The following DCAF8L2 variants were observed in gnomAD, a reference collection of about 807,000 sequenced individuals.
DCAF8L2 encodes DDB1 and CUL4 associated factor 8 like 2.
For synonymous variants in DCAF8L2, 200 were observed against 190.9 expected, an observed-to-expected ratio of 1.05 and a Z score of -0.39; for missense variants, 430 against 490.7, an observed-to-expected ratio of 0.88 and a Z score of 1.17.
chrX:27,671,685 C>T (rs184947150), intron 2 of DCAF8L2, among the ~76,000 whole-genome samples: 181 of 111,795 alleles, frequency 1.6e-3, no homozygotes, highest in African/African-American at 5.3e-3. Flanking sequence ...AAATCCAAGA[C>T]CCAGAGATAT....
the DCAF8L2 span, among the ~76,000 whole-genome samples, chrX:27,569,352 A>G: frequency 5.4e-5 from 6 of 112,104 alleles, no homozygotes; most frequent in African/African-American, 1.9e-4. Flanking sequence ...ACCTGCAAAC[A>G]TCAATTTGAC....
upstream of DCAF8L2, among the ~76,000 whole-genome samples, chrX:27,589,124 G>A (rs1485644392): frequency 9.0e-6 from 1 of 111,372 alleles, no homozygotes; most frequent in Non-Finnish European, 1.9e-5. Context: ...AGAGATCCAT[G>A]ATAGAGAATG....
intron 2 of DCAF8L2, among the ~76,000 whole-genome samples, chrX:27,640,226 CTTG>C (rs1255690701): frequency 2.7e-5 from 3 of 111,740 alleles, no homozygotes; most frequent in Admixed American, 9.5e-5. Flanking sequence ...AATGAGAACA[CTTG>C]TTGTTATTAA....
At chrX:27,708,883 T>A (rs776319402) in intron 3 of DCAF8L2, among the ~76,000 whole-genome samples, 2 of 112,838 alleles carry the variant, frequency 1.8e-5, no homozygotes, top group South Asian at 7.3e-4. Context: ...CTTCACTAGC[T>A]CAGTTGAGTT....
At chrX:27,492,229 C>T in the DCAF8L2 span, among the ~76,000 whole-genome samples, 6 of 111,962 alleles carry the variant, frequency 5.4e-5, no homozygotes, top group Admixed American at 4.7e-4. Context: ...TCCCTGTAGC[C>T]TTTATCACAA....
At chrX:27,562,777 G>A in the DCAF8L2 span, among the ~76,000 whole-genome samples, 8 of 111,899 alleles carry the variant, frequency 7.1e-5, no homozygotes, top group African/African-American at 9.7e-5. Flanking sequence ...AGAAGTATGC[G>A]ACTTTGATAA....
At chrX:27,519,758 A>G in the DCAF8L2 span, 1 of 549,282 alleles carries the variant, frequency 1.8e-6, no homozygotes, top group Non-Finnish European at 3.3e-6. Flanking sequence ...CAAGCCAGAG[A>G]TGAAACCAAT....
intron 1 of DCAF8L2, among the ~76,000 whole-genome samples, chrX:27,610,389 G>A (rs1927100344): frequency 9.1e-6 from 1 of 110,230 alleles, no homozygotes; most frequent in Non-Finnish European, 1.9e-5. Context: ...ATGTGTGCCT[G>A]TGTGTGCATG....
rs1337029822 is a variant in DCAF8L2, at chrX:27,736,630, C to T, written c.-58-10208C>T. Among the ~76,000 whole-genome samples, 3 of 112,027 alleles carry T rather than the reference C, an allele frequency of 2.7e-5. No individual in the cohort carries two copies. The South Asian group carries it at 1.1e-3, about 41-fold the overall frequency. ...TGCCTTGCCTGTCTCCAATTTATTT[C>T]CCACCCTGAAAGCAATAATTATAAA... On this transcript the variant is annotated intron_variant, in intron 4 of 4. Coordinates refer to ENST00000451261, the MANE Select transcript of DCAF8L2 (RefSeq NM_001353450.2).
chrX:27,502,331 AAAAAATAT>A, the DCAF8L2 span, among the ~76,000 whole-genome samples: 2 of 29,596 alleles, frequency 6.8e-5, no homozygotes, highest in African/African-American at 2.7e-4. Context: ...AAAAAAAAAA[AAAAAATAT>A]ATATATATAT....
At chrX:27,697,876 A>G (rs1047691665) in intron 3 of DCAF8L2, among the ~76,000 whole-genome samples, 7 of 111,151 alleles carry the variant, frequency 6.3e-5, no homozygotes, top group Non-Finnish European at 1.1e-4. Flanking sequence ...GAGAAAGAAA[A>G]AGAATGAAAG....
the DCAF8L2 span, among the ~76,000 whole-genome samples, chrX:27,482,724 G>A: frequency 9.0e-6 from 1 of 111,549 alleles, no homozygotes; most frequent in Non-Finnish European, 1.9e-5. Flanking sequence ...TGAAAATGTA[G>A]AGGATAACTT....
At chrX:27,502,796 G>T in the DCAF8L2 span, among the ~76,000 whole-genome samples, 1 of 111,222 alleles carries the variant, frequency 9.0e-6, no homozygotes, top group African/African-American at 3.3e-5. Flanking sequence ...ATATTCAAGG[G>T]AAATAGAGGA....
At chrX:27,571,930 C>T in the DCAF8L2 span, among the ~76,000 whole-genome samples, 1 of 111,364 alleles carries the variant, frequency 9.0e-6, no homozygotes, top group African/African-American at 3.3e-5. Flanking sequence ...GATTGGTCAA[C>T]CCGCTAAATA....
intron 2 of DCAF8L2, among the ~76,000 whole-genome samples, chrX:27,673,665 A>G (rs1264438728): frequency 9.2e-6 from 1 of 109,074 alleles, no homozygotes; most frequent in Non-Finnish European, 1.9e-5. Flanking sequence ...TGCATATATA[A>G]TATACATATG....
intron 4 of DCAF8L2, among the ~76,000 whole-genome samples, chrX:27,736,892 C>T (rs1360889080): frequency 9.0e-6 from 1 of 111,026 alleles, no homozygotes; most frequent in East Asian, 2.8e-4. Context: ...ATTTTCCAGA[C>T]ACTGCATAAA....
In DCAF8L2 at chrX:27,704,173, T is replaced by C. The variant is rs377140514; in HGVS notation, c.-142-11915T>C. Among the ~76,000 whole-genome samples the C allele has an allele frequency of 1.1e-3, 49 of 44,276 alleles. 4 individuals are homozygous for C. Among genetic ancestry groups the C allele is most frequent in the South Asian group, 4.1e-3 (7 of 1,717 alleles). 38.4% of individuals were successfully genotyped at this position (44,276 alleles called of 115,157 possible). A position where few individuals can be genotyped will look rare whatever the true frequency, so the allele number is the denominator to read the frequency against. ...GCTGCAGTATATATATATATATATA[T>C]ACATATACACACACACATATGTATA... On this transcript the variant is annotated intron_variant, in intron 3 of 4. Coordinates refer to ENST00000451261, the MANE Select transcript of DCAF8L2 (RefSeq NM_001353450.2).
chrX:27,704,173 TAC>T (rs752781522), intron 3 of DCAF8L2, among the ~76,000 whole-genome samples: 471 of 44,121 alleles, frequency 0.011, 18 homozygotes, highest in African/African-American at 0.023. Flanking sequence ...TATATATATA[TAC>T]ATATACACAC....
intron 4 of DCAF8L2, among the ~76,000 whole-genome samples, chrX:27,732,495 T>C (rs202162049): frequency 5.1e-4 from 39 of 76,293 alleles, no homozygotes; most frequent in East Asian, 2.9e-3. Flanking sequence ...TGTGTGCGCG[T>C]GTGTGTGTGT....
Sources: gnomAD v4.1 joint callset for allele counts (sites outside exome capture counted in the v4.1 genomes callset) on GRCh38, gnomAD v4.1.1 for gene constraint, MANE v1.5 for transcripts, NCBI Gene and HGNC (gene_info 2026-07-23, HGNC 2026-07-21) for gene names.